The following TRAF3IP2 variants were observed in gnomAD, a reference collection of about 807,000 sequenced individuals.
TRAF3IP2 encodes TRAF3 interacting protein 2.
Under a neutral mutation model 57.9 loss-of-function variants are expected in TRAF3IP2, and 35 were observed. That is an observed-to-expected ratio of 0.60 (90% confidence interval 0.46 to 0.80). The LOEUF is 0.80. TRAF3IP2 is among the 30% of genes least tolerant of loss of function. The pLI is 0.00. For missense variants in TRAF3IP2, 556 were observed against 706.4 expected (o/e 0.79, Z 2.41); for synonymous variants, 251 against 268.9 (o/e 0.93, Z 0.65).
intron 7 of TRAF3IP2, among the ~76,000 whole-genome samples, chr6:111,565,501 A>G (rs1323687765): frequency 6.6e-6 from 1 of 152,168 alleles, no homozygotes; most frequent in Non-Finnish European, 1.5e-5. Context: ...TGGCTGAGGT[A>G]GGGGTGGGAG....
At chr6:111,584,081 C>G (rs988715062) in intron 2 of TRAF3IP2, among the ~76,000 whole-genome samples, 3 of 152,190 alleles carry the variant, frequency 2.0e-5, no homozygotes, top group African/African-American at 7.2e-5. Context: ...AAAGGACTAC[C>G]AAGCTCTAAT....
At chr6:111,571,902 T>C (rs957512745) in intron 5 of TRAF3IP2, among the ~76,000 whole-genome samples, 1 of 149,530 alleles carries the variant, frequency 6.7e-6, no homozygotes, top group African/African-American at 2.5e-5. Flanking sequence ...GCAACAGTTC[T>C]AGACTCTGTC....
intron 4 of TRAF3IP2, among the ~76,000 whole-genome samples, chr6:111,573,312 A>C (rs1216128053): frequency 6.6e-6 from 1 of 152,150 alleles, no homozygotes; most frequent in Non-Finnish European, 1.5e-5. Flanking sequence ...AGGCATGACT[A>C]GTTTCTTAGA....
intron 5 of TRAF3IP2, among the ~76,000 whole-genome samples, chr6:111,570,192 T>A (rs970468451): frequency 6.6e-6 from 1 of 152,196 alleles, no homozygotes; most frequent in East Asian, 1.9e-4. Flanking sequence ...TGAACCCTGC[T>A]GAAACCTTGA....
intron 5 of TRAF3IP2, among the ~76,000 whole-genome samples, chr6:111,571,449 C>A (rs543093883): frequency 1.3e-4 from 20 of 152,056 alleles, no homozygotes; most frequent in African/African-American, 4.8e-4. Flanking sequence ...TGAGCTCAGG[C>A]AATTTGTCTG....
chr6:111,563,855 C>T (rs1239083757), intron 7 of TRAF3IP2, among the ~76,000 whole-genome samples: 1 of 152,224 alleles, frequency 6.6e-6, no homozygotes, highest in Non-Finnish European at 1.5e-5. Flanking sequence ...CCAATATGCT[C>T]TGACACTGTG....
chr6:111,575,640 T>TA lies in TRAF3IP2; in HGVS notation c.1201+2dup. On this transcript the variant is annotated splice_region_variant and intron_variant, in intron 4 of 8. Coordinates refer to ENST00000368761, the MANE Select transcript of TRAF3IP2 (RefSeq NM_147686.4). ...GGAGAGAACAATGTTGCAAACAACTTACGCAATTCTTCTGGCAAATTGCTT... is the reference window on the plus strand; with the variant it reads ...GGAGAGAACAATGTTGCAAACAACTTAACGCAATTCTTCTGGCAAATTGCTT... 2 of 1,608,306 alleles carry TA rather than the reference T, an allele frequency of 1.2e-6. No homozygotes were observed. Among genetic ancestry groups the TA allele is most frequent in the East Asian group, 2.2e-5 (1 of 44,764 alleles).
chr6:111,579,761 T>C (rs567036867), intron 3 of TRAF3IP2, among the ~76,000 whole-genome samples: 1 of 152,224 alleles, frequency 6.6e-6, no homozygotes, highest in East Asian at 1.9e-4. Flanking sequence ...TAATTTTAAA[T>C]TTTGATGGAA....
chr6:111,574,390 G>A (rs899514925), intron 4 of TRAF3IP2, among the ~76,000 whole-genome samples: 1 of 152,124 alleles, frequency 6.6e-6, no homozygotes, highest in Non-Finnish European at 1.5e-5. Flanking sequence ...CACAAGTAGT[G>A]GCTGTTTTCT....
rs1795255807 is a variant in TRAF3IP2 at position 111,556,827 on chromosome 6, C to T, written c.*2578G>A. Reference sequence around the variant, plus strand: ...AAGTATTTGTCCTTTCCCTGTGCTACATATAAGAGCTGGACTGGGCTGGGC... The same window carrying T: ...AAGTATTTGTCCTTTCCCTGTGCTATATATAAGAGCTGGACTGGGCTGGGC... On this transcript the variant is annotated 3_prime_UTR_variant, in exon 9 of 9. Coordinates refer to ENST00000368761, the MANE Select transcript of TRAF3IP2 (RefSeq NM_147686.4). 1 of 152,140 alleles carries T rather than the reference C, an allele frequency of 6.6e-6. No individual in the cohort carries two copies. Among genetic ancestry groups the T allele is most frequent in the African/African-American group, 2.4e-5 (1 of 41,408 alleles). 9.4% of individuals were successfully genotyped at this position (152,140 alleles called of 1,614,324 possible).
chr6:111,564,096 G>T (rs560951758), intron 7 of TRAF3IP2, among the ~76,000 whole-genome samples: 1 of 152,160 alleles, frequency 6.6e-6, no homozygotes, highest in South Asian at 2.1e-4. Flanking sequence ...AGTGACAGTG[G>T]TGATAGCTGG....
Position 111,556,227 on chromosome 6 carries a change from T to C in TRAF3IP2, c.*3178A>G, listed in dbSNP as rs1795237341. ...GTGTATGTGTGCGTGTGTGTGTGTG[T>C]GTCTGTGTGTACTTTTTGGTTTGTT... On this transcript the variant is annotated 3_prime_UTR_variant, in exon 9 of 9. Transcript: ENST00000368761. 6.6e-6 allele frequency among the ~76,000 whole-genome samples: 1 copy of C among 152,074 alleles called. No individual in the cohort carries two copies. Among genetic ancestry groups the C allele is most frequent in the Non-Finnish European group, 1.5e-5 (1 of 68,008 alleles).
At chr6:111,583,460 G>T (rs1220572991) in intron 2 of TRAF3IP2, among the ~76,000 whole-genome samples, 1 of 152,030 alleles carries the variant, frequency 6.6e-6, no homozygotes, top group Admixed American at 6.6e-5. Flanking sequence ...TTGCATTACC[G>T]CCTGAGCTCT....
intron 3 of TRAF3IP2, among the ~76,000 whole-genome samples, chr6:111,579,362 A>G (rs1562426721): frequency 6.6e-6 from 1 of 150,690 alleles, no homozygotes; most frequent in Non-Finnish European, 1.5e-5. Context: ...TAGACAACTG[A>G]AGTCATGAAA....
At chr6:111,594,533 G>A (rs1336669034) in intron 1 of TRAF3IP2, 1 of 450,446 alleles carries the variant, frequency 2.2e-6, no homozygotes, top group Non-Finnish European at 4.4e-6. Flanking sequence ...CTGGGGGCTT[G>A]GAGGAGGCTT....
chr6:111,559,804 C>A (rs113183518), intron 8 of TRAF3IP2, among the ~76,000 whole-genome samples: 1 of 152,226 alleles, frequency 6.6e-6, no homozygotes, highest in Non-Finnish European at 1.5e-5. Context: ...AGACTACCTA[C>A]CCTTTGCATT....
chr6:111,586,006 T>TGGTAC (rs56219710), intron 2 of TRAF3IP2, among the ~76,000 whole-genome samples: 1 of 151,814 alleles, frequency 6.6e-6, no homozygotes, highest in Non-Finnish European at 1.5e-5. Context: ...TTATTAAGAA[T>TGGTAC]TAAAAGAGTT....
intron 2 of TRAF3IP2, among the ~76,000 whole-genome samples, chr6:111,586,043 T>G (rs182400855): frequency 2.3e-4 from 35 of 152,224 alleles, no homozygotes; most frequent in African/African-American, 8.4e-4. Context: ...AATCTGATTT[T>G]CAAGTTGTCA....
intron 6 of TRAF3IP2, 132 bp from the exon 7 acceptor site, chr6:111,566,692 A>G: frequency 1.2e-6 from 1 of 813,842 alleles, no homozygotes; most frequent in Non-Finnish European, 2.2e-6. Flanking sequence ...ACTCAGGCAG[A>G]CTCTTATCTC....
Sources: gnomAD v4.1 joint callset for allele counts (sites outside exome capture counted in the v4.1 genomes callset) on GRCh38, gnomAD v4.1.1 for gene constraint, MANE v1.5 for transcripts, NCBI Gene and HGNC (gene_info 2026-07-23, HGNC 2026-07-21) for gene names.